LY75: variants seen among roughly 807,000 people sequenced by gnomAD.
LY75 encodes the protein lymphocyte antigen 75.
In LY75, 185 loss-of-function variants were observed where a neutral mutation model predicts 231.7. That is an observed-to-expected ratio of 0.80 (90% CI 0.71 to 0.90). LY75 has a LOEUF of 0.90. Among genes scored for constraint, LY75 ranks in the 40% least tolerant of loss-of-function variants. The pLI, the probability that LY75 is intolerant of heterozygous loss-of-function variation, is 0.00. For synonymous variants in LY75, 668 were observed against 689.0 expected (o/e 0.97, Z 0.48); for missense variants, 1,947 against 2,050.2 (o/e 0.95, Z 0.97).
chr2:159,901,494 G>C (rs953315338), intron 1 of LY75, among the ~76,000 whole-genome samples: 1 of 152,210 alleles, frequency 6.6e-6, no homozygotes, highest in Admixed American at 6.5e-5. Context: ...TTGTGTGCTG[G>C]ATCCCAAACA....
At chr2:159,885,101 CTA>C (rs1369813578) in intron 6 of LY75, 50 bp downstream of exon 6, 5 of 1,576,036 alleles carry the variant, frequency 3.2e-6, no homozygotes, top group Non-Finnish European at 4.3e-6. Context: ...TTTCACAAAA[CTA>C]TGATTTTAAG....
chr2:159,818,454 G>C (rs893431389), intron 29 of LY75, among the ~76,000 whole-genome samples: 1 of 152,146 alleles, frequency 6.6e-6, no homozygotes, highest in Non-Finnish European at 1.5e-5. Flanking sequence ...CCAAATACAT[G>C]ACCAGTGTTC....
intron 16 of LY75, among the ~76,000 whole-genome samples, chr2:159,857,540 G>A (rs1341618045): frequency 3.3e-5 from 5 of 152,090 alleles, no homozygotes; most frequent in Non-Finnish European, 5.9e-5. Flanking sequence ...TCAGGAGTTC[G>A]AGACCAGCTT....
At chr2:159,854,634 G>C (rs1684495869) in intron 17 of LY75, 99 bp from the exon 18 acceptor site, 2 of 1,389,806 alleles carry the variant, frequency 1.4e-6, no homozygotes, top group Non-Finnish European at 1.9e-6. Context: ...TAGTAATTCA[G>C]ATTACCGGCC....
intron 16 of LY75, among the ~76,000 whole-genome samples, chr2:159,855,252 A>C (rs1168860703): frequency 1.3e-5 from 2 of 152,232 alleles, no homozygotes; most frequent in Admixed American, 6.5e-5. Context: ...GAAAGTAAAA[A>C]CAAGTAAATA....
intron 3 of LY75, among the ~76,000 whole-genome samples, chr2:159,891,062 C>T (rs998222733): frequency 8.5e-5 from 13 of 152,100 alleles, no homozygotes; most frequent in African/African-American, 3.1e-4. Flanking sequence ...ACAACTGGTT[C>T]AAAATATATT....
intron 28 of LY75, among the ~76,000 whole-genome samples, chr2:159,831,097 G>T (rs1683641314): frequency 6.6e-6 from 1 of 152,136 alleles, no homozygotes; most frequent in Non-Finnish European, 1.5e-5. Flanking sequence ...AAAGAAAATT[G>T]ATATGGTTTG....
At chr2:159,808,670 A>G (rs933931539) in intron 32 of LY75, 99 bp from the exon 33 acceptor site, 9 of 1,470,902 alleles carry the variant, frequency 6.1e-6, no homozygotes, top group South Asian at 1.3e-5. Context: ...TATTAACAAG[A>G]TCATTGATAA....
chr2:159,850,133 A>G lies in LY75; in HGVS notation c.2997T>C (p.Ile999=). ...SVLSQIEQDF[I]TSLLPDMEAT... Reference sequence around the variant, plus strand: ...CTTCCATATCCGGAAGCAAGGATGTAATAAAGTCTGTTAGAAAGAGATTTT... The same window carrying G: ...CTTCCATATCCGGAAGCAAGGATGTGATAAAGTCTGTTAGAAAGAGATTTT... Residue 999 remains isoleucine (I), a synonymous_variant, in exon 23 of 35, where the codon ATT becomes ATC. Coordinates refer to ENST00000263636, the MANE Select transcript of LY75 (RefSeq NM_002349.4). 6.2e-7 allele frequency: 1 copy of G among 1,604,490 alleles called. No homozygotes were observed. The highest frequency in any genetic ancestry group is 1.1e-5 in the South Asian group (1 of 88,302).
At chr2:159,860,040 G>C (rs185527472) in intron 15 of LY75, among the ~76,000 whole-genome samples, 1 of 152,300 alleles carries the variant, frequency 6.6e-6, no homozygotes, top group Admixed American at 6.5e-5. Context: ...CTAGACTTTA[G>C]TTTTGTGAAG....
intron 16 of LY75, among the ~76,000 whole-genome samples, chr2:159,856,897 C>A (rs966100007): frequency 6.6e-6 from 1 of 152,110 alleles, no homozygotes; most frequent in Admixed American, 6.6e-5. Flanking sequence ...GGGGTCTGCT[C>A]CACTGCTCAA....
Position 159,852,247 on chromosome 2 carries a change from G to A in LY75, c.2837C>T (p.Ala946Val). 6.2e-7 allele frequency: 1 copy of A among 1,613,996 alleles called. No individual in the cohort carries two copies. Among genetic ancestry groups the A allele is most frequent in the African/African-American group, 1.3e-5 (1 of 75,034 alleles). Residue 946 changes from alanine (A) to valine (V), a missense_variant, in exon 21 of 35, where the codon GCA (alanine) becomes GTA (valine). Coordinates refer to ENST00000263636, the MANE Select transcript of LY75 (RefSeq NM_002349.4). Reference sequence around the variant, plus strand: ...TTGCTCAGAACATTGCACTTTAGCTGCAGAATCTGGGCTGTATTTCTCTAA... The same window carrying A: ...TTGCTCAGAACATTGCACTTTAGCTACAGAATCTGGGCTGTATTTCTCTAA... ...SSLEKYSPDS[A>V]AKVQCSEQWI... is the part of the protein sequence containing the mutation.
At chr2:159,827,943 A>T (rs1375322200) in intron 28 of LY75, among the ~76,000 whole-genome samples, 1 of 151,000 alleles carries the variant, frequency 6.6e-6, no homozygotes, top group African/African-American at 2.4e-5. Context: ...AACATCACAC[A>T]CTGGGCCTGT....
chr2:159,868,470 G>A (rs888568411), intron 13 of LY75, among the ~76,000 whole-genome samples: 4 of 152,068 alleles, frequency 2.6e-5, no homozygotes, highest in African/African-American at 9.7e-5. Flanking sequence ...TAGGATTTGA[G>A]GTGATTGTTT....
In LY75 at chr2:159,879,256, T is replaced by C. The variant is rs1422245159; in HGVS notation, c.1515+3A>G. ...AGAAAATTTACATAGGGATTTTACC[T>C]ACCTCATCTGGAGGACACATCTTAT... On this transcript the variant is annotated splice_donor_region_variant and intron_variant, in intron 9 of 34. Coordinates refer to ENST00000263636, the MANE Select transcript of LY75 (RefSeq NM_002349.4). The C allele has an allele frequency of 1.6e-5, 25 of 1,609,054 alleles. No homozygotes were observed. The highest frequency in any genetic ancestry group is 2.0e-5 in the Non-Finnish European group (24 of 1,178,866).
intron 7 of LY75, 148 bp from the exon 8 acceptor site, chr2:159,881,388 G>A: frequency 1.0e-6 from 1 of 990,848 alleles, no homozygotes; most frequent in East Asian, 2.7e-5. Flanking sequence ...GATACGACAG[G>A]CAGGTTGGGT....
intron 28 of LY75, among the ~76,000 whole-genome samples, chr2:159,825,576 G>C (rs2125837064): frequency 6.6e-6 from 1 of 152,208 alleles, no homozygotes; most frequent in Non-Finnish European, 1.5e-5. Flanking sequence ...CCAAACAATA[G>C]AAAAAGAGGG....
At chr2:159,850,800 T>TATATATATATATATATATATATA (rs1560081076) in intron 21 of LY75, among the ~76,000 whole-genome samples, 3 of 59,400 alleles carry the variant, frequency 5.1e-5, no homozygotes, top group African/African-American at 8.3e-5. Flanking sequence ...ATATATATAT[T>TATATATATATATATATATATATA]ATATCTTATA....
chr2:159,875,778 T>G, intron 11 of LY75, 135 bp from the exon 12 acceptor site: 8 of 1,063,942 alleles, frequency 7.5e-6, no homozygotes, highest in Non-Finnish European at 1.1e-5. Context: ...AGGAAAGAAA[T>G]ATGTTGTTCA....
Sources: allele counts gnomAD v4.1 joint callset (sites outside exome capture counted in the v4.1 genomes callset), GRCh38; gene constraint gnomAD v4.1.1; transcripts MANE v1.5; gene names NCBI Gene and HGNC (gene_info 2026-07-23, HGNC 2026-07-21).